The following NFKB1 variants were observed in gnomAD, a reference collection of about 807,000 sequenced individuals.
NFKB1 encodes the protein nuclear factor NF-kappa-B p105 subunit.
In NFKB1, 9 loss-of-function variants were observed where a neutral mutation model predicts 105.1. The observed-to-expected ratio is 0.09, with a 90% CI of 0.05 to 0.15. The LOEUF is 0.15. Ranked by LOEUF, NFKB1 falls within the 10% of genes least tolerant of loss-of-function variation. The probability of loss-of-function intolerance (pLI) is 1.00; values close to 1 mark genes in which losing one functional copy is unlikely to be tolerated. For missense variants in NFKB1, 830 were observed against 1,203.7 expected (o/e 0.69, Z 4.59); for synonymous variants, 440 against 442.2 (o/e 1.00, Z 0.06).
intron 1 of NFKB1, among the ~76,000 whole-genome samples, chr4:102,512,090 T>C (rs1739818931): frequency 6.6e-6 from 1 of 152,212 alleles, no homozygotes; most frequent in Admixed American, 6.5e-5. Flanking sequence ...TTTCAGATAT[T>C]CCTCACTAAA....
At chr4:102,551,347 G>GGTGTGTGTGTGTGTGT (rs199492662) in intron 5 of NFKB1, among the ~76,000 whole-genome samples, 2 of 139,008 alleles carry the variant, frequency 1.4e-5, no homozygotes, top group African/African-American at 3.0e-5. Flanking sequence ...ATTCTAAATT[G>GGTGTGTGTGTGTGTGT]GTGTGTGTGT....
chr4:102,539,752 A>G (rs1322530147), intron 5 of NFKB1, among the ~76,000 whole-genome samples: 1 of 152,212 alleles, frequency 6.6e-6, no homozygotes, highest in Non-Finnish European at 1.5e-5. Flanking sequence ...TGGAATTATA[A>G]TAACTGGCCT....
intron 1 of NFKB1, among the ~76,000 whole-genome samples, chr4:102,518,933 G>A (rs1416307925): frequency 6.6e-6 from 1 of 152,150 alleles, no homozygotes; most frequent in Non-Finnish European, 1.5e-5. Flanking sequence ...GCTGGGTTTA[G>A]AACTTGTACT....
At chr4:102,597,284 A>G (rs1183182979) in intron 14 of NFKB1, among the ~76,000 whole-genome samples, 1 of 152,192 alleles carries the variant, frequency 6.6e-6, no homozygotes, top group Non-Finnish European at 1.5e-5. Flanking sequence ...TTTTTCCTCT[A>G]ACAAATCATA....
intron 1 of NFKB1, among the ~76,000 whole-genome samples, chr4:102,523,561 G>A (rs1740704873): frequency 6.6e-6 from 1 of 152,140 alleles, no homozygotes; most frequent in African/African-American, 2.4e-5. Flanking sequence ...TAAACTCTTT[G>A]AACAAAGAGA....
intron 11 of NFKB1, among the ~76,000 whole-genome samples, chr4:102,589,069 A>G (rs1325412437): frequency 6.6e-6 from 1 of 152,174 alleles, no homozygotes; most frequent in Non-Finnish European, 1.5e-5. Flanking sequence ...CTTATGTGGA[A>G]TGTTCTGTAT....
Position 102,567,008 on chromosome 4 carries a change from G to A in NFKB1, c.280G>A (p.Ala94Thr). 6.2e-7 allele frequency: 1 copy of A among 1,613,934 alleles called. No homozygotes were observed. The highest frequency in any genetic ancestry group is 2.2e-5 in the East Asian group (1 of 44,876). The part of the protein sequence containing the change: ...QVKICNYVGP[A>T]KVIVQLVTNG... ...ATAGATCTGCAACTATGTGGGACCA[G>A]CAAAGGTTATTGTTCAGTTGGTCAC... Residue 94 changes from alanine to threonine, a missense_variant, in exon 6 of 24, where the codon GCA becomes ACA. Physicochemically the swap from Ala to Thr is moderately conservative, Grantham distance 58. Around this residue, in one of 8 missense-constraint regions of NFKB1, gnomAD observed 64 missense variants for 79.9 expected, o/e 0.80. Transcript: ENST00000226574.
intron 21 of NFKB1, 104 bp downstream of exon 21, chr4:102,612,214 T>C: frequency 4.4e-6 from 5 of 1,142,258 alleles, no homozygotes; most frequent in Admixed American, 2.1e-5. Flanking sequence ...AAAGTTCTTA[T>C]TTCAGAACCA....
At chr4:102,561,281 T>TTGTG (rs545717717) in intron 5 of NFKB1, among the ~76,000 whole-genome samples, 1 of 123,766 alleles carries the variant, frequency 8.1e-6, no homozygotes, top group African/African-American at 3.1e-5. Flanking sequence ...TTTTTTTTTT[T>TTGTG]TGTGTGTGTG....
intron 17 of NFKB1, 49 bp downstream of exon 17, chr4:102,606,746 T>C (rs1351888976): frequency 1.3e-6 from 2 of 1,549,212 alleles, no homozygotes; most frequent in Non-Finnish European, 1.8e-6. Context: ...ACCTTCTAAA[T>C]ATCTACTAGG....
intron 23 of NFKB1, among the ~76,000 whole-genome samples, chr4:102,616,102 A>G (rs1560727135): frequency 5.9e-5 from 9 of 152,224 alleles, no homozygotes; most frequent in Admixed American, 3.9e-4. Flanking sequence ...TAGATAATAC[A>G]GTGGTTGGAA....
Position 102,610,618 on chromosome 4 carries a change from G to A in NFKB1, c.2271G>A (p.Leu757=). 1 of 1,613,976 alleles carries A rather than the reference G, an allele frequency of 6.2e-7. No homozygotes were observed. Among genetic ancestry groups the A allele is most frequent in the South Asian group, 1.1e-5 (1 of 91,074 alleles). ...AGAACTTTGAGCCTCTCTATGACCTGGATGACTCTTGGGAAAATGCAGGAG... is the reference window on the plus strand; with the variant it reads ...AGAACTTTGAGCCTCTCTATGACCTAGATGACTCTTGGGAAAATGCAGGAG... ...LVENFEPLYD[L]DDSWENAGED... The change falls in exon 20 of 24, where the codon CTG becomes CTA. Residue 757 remains leucine, a synonymous_variant. Coordinates refer to ENST00000226574, the MANE Select transcript of NFKB1 (RefSeq NM_003998.4).
intron 5 of NFKB1, among the ~76,000 whole-genome samples, chr4:102,542,644 A>G (rs1349236643): frequency 1.3e-5 from 2 of 152,170 alleles, no homozygotes; most frequent in Admixed American, 1.3e-4. Context: ...TTATATTTTT[A>G]CTACATAAGA....
intron 11 of NFKB1, among the ~76,000 whole-genome samples, chr4:102,586,662 T>C (rs1725735598): frequency 6.6e-6 from 1 of 152,176 alleles, no homozygotes; most frequent in Admixed American, 6.5e-5. Flanking sequence ...AAAACCATGA[T>C]TCTGAGAAGA....
chr4:102,506,541 C>T (rs1392193911), intron 1 of NFKB1, among the ~76,000 whole-genome samples: 1 of 152,138 alleles, frequency 6.6e-6, no homozygotes, highest in Non-Finnish European at 1.5e-5. Context: ...CATCCTAGCA[C>T]AGTTTGTTCA....
chr4:102,533,664 G>A (rs899834291), intron 3 of NFKB1, among the ~76,000 whole-genome samples, 181 bp from the exon 4 acceptor site: 2 of 152,044 alleles, frequency 1.3e-5, no homozygotes, highest in African/African-American at 4.8e-5. Context: ...TTAAAATAAG[G>A]GTTAATTTAA....
intron 4 of NFKB1, 35 bp from the exon 5 acceptor site, chr4:102,537,823 C>T (rs745663816): frequency 1.5e-6 from 2 of 1,319,816 alleles, no homozygotes; most frequent in East Asian, 4.6e-5. Context: ...ATAAGTATTT[C>T]TCAAACTTAA....
At chr4:102,615,592 A>G (rs1257003843) in intron 23 of NFKB1, among the ~76,000 whole-genome samples, 1 of 152,252 alleles carries the variant, frequency 6.6e-6, no homozygotes, top group East Asian at 1.9e-4. Flanking sequence ...GAAAAAAAGC[A>G]AATACTTAAC....
chr4:102,604,586 C>A (rs940490089), intron 16 of NFKB1, among the ~76,000 whole-genome samples: 1 of 151,858 alleles, frequency 6.6e-6, no homozygotes, highest in African/African-American at 2.4e-5. Flanking sequence ...TCTGCCTTCA[C>A]TGCTTATCCA....
Sources: gnomAD v4.1 joint callset for allele counts (sites outside exome capture counted in the v4.1 genomes callset) on GRCh38, gnomAD v4.1.1 for gene constraint, gnomAD v4.1.1 regional missense constraint, MANE v1.5 for transcripts, NCBI Gene and HGNC (gene_info 2026-07-23, HGNC 2026-07-21) for gene names.